CTNNA2: variants seen among roughly 807,000 people sequenced by gnomAD.
The protein encoded by CTNNA2 is catenin alpha 2.
CTNNA2 carries 42 observed loss-of-function variants against 101.0 expected under a neutral mutation model. The ratio of observed to expected loss-of-function variants is 0.42; its 90% CI spans 0.32 to 0.54. The LOEUF is 0.54. Among genes scored for constraint, CTNNA2 ranks in the 20% least tolerant of loss-of-function variants. The pLI is 0.14. For synonymous variants in CTNNA2, 450 were observed against 456.4 expected, an observed-to-expected ratio of 0.99 and a Z score of 0.18; for missense variants, 871 against 1,223.1, an observed-to-expected ratio of 0.71 and a Z score of 4.29.
At chr2:79,894,874 G>T (rs1684591042) in intron 6 of CTNNA2, among the ~76,000 whole-genome samples, 2 of 152,184 alleles carry the variant, frequency 1.3e-5, no homozygotes, top group African/African-American at 4.8e-5. Flanking sequence ...AGACATTAAA[G>T]AAATATTTGT....
intron 7 of CTNNA2, among the ~76,000 whole-genome samples, chr2:79,947,735 G>T (rs1013289143): frequency 6.6e-6 from 1 of 152,160 alleles, no homozygotes; most frequent in Non-Finnish European, 1.5e-5. Flanking sequence ...TACACCCTCT[G>T]TTCCCTGAGT....
chr2:79,265,224 A>G (rs1382171026), intron 2 of CTNNA2, among the ~76,000 whole-genome samples: 1 of 152,158 alleles, frequency 6.6e-6, no homozygotes, highest in Non-Finnish European at 1.5e-5. Context: ...ATAACACACA[A>G]CATATGGCAA....
At chr2:79,249,902 C>A (rs997286093) in intron 2 of CTNNA2, among the ~76,000 whole-genome samples, 5 of 152,106 alleles carry the variant, frequency 3.3e-5, no homozygotes, top group Non-Finnish European at 7.4e-5. Flanking sequence ...AAAATTGGTG[C>A]TTTTTCCCCA....
Position 80,577,296 on chromosome 2 carries a change from A to G in CTNNA2, c.1893+2982A>G, listed in dbSNP as rs80251174. Among the ~76,000 whole-genome samples, 786 of 152,186 alleles carry G rather than the reference A, an allele frequency of 5.2e-3. 10 individuals are homozygous for G. Among genetic ancestry groups the G allele is most frequent in the African/African-American group, 0.018 (728 of 41,524 alleles). On this transcript the variant is annotated intron_variant, in intron 13 of 18. Coordinates refer to ENST00000402739, the MANE Select transcript of CTNNA2 (RefSeq NM_001282597.3). ...AGAAAACCAAAGTATCCTAAAGGGGATAGAGCTTCTGGTGGGCATGGATCT... is the reference window on the plus strand; with the variant it reads ...AGAAAACCAAAGTATCCTAAAGGGGGTAGAGCTTCTGGTGGGCATGGATCT...
intron 3 of CTNNA2, 113 bp from the exon 4 acceptor site, chr2:79,857,900 C>T: frequency 8.8e-7 from 1 of 1,138,680 alleles, no homozygotes; most frequent in Non-Finnish European, 1.3e-6. Context: ...GAAATACCAC[C>T]TGGTCATCAG....
intron 12 of CTNNA2, among the ~76,000 whole-genome samples, chr2:80,571,466 A>G (rs1006487912): frequency 6.6e-6 from 1 of 152,212 alleles, no homozygotes; most frequent in Non-Finnish European, 1.5e-5. Flanking sequence ...TACAAAAAGA[A>G]CAAAGACTAA....
At chr2:79,459,863 C>T (rs186038261) in intron 4 of CTNNA2, among the ~76,000 whole-genome samples, 216 of 152,248 alleles carry the variant, frequency 1.4e-3, no homozygotes, top group Non-Finnish European at 2.2e-3. Context: ...TCAACTCTTA[C>T]GTTGCAGCAT....
chr2:79,673,045 A>C (rs1433893011), intron 2 of CTNNA2, among the ~76,000 whole-genome samples: 1 of 152,204 alleles, frequency 6.6e-6, no homozygotes. Flanking sequence ...GGTTAAAAAA[A>C]ATAGTTTATA....
intron 3 of CTNNA2, among the ~76,000 whole-genome samples, chr2:79,371,742 A>C (rs1023742546): frequency 3.3e-5 from 5 of 152,122 alleles, no homozygotes; most frequent in African/African-American, 1.2e-4. Context: ...ATAATTTCCT[A>C]TCAGTCCTGG....
intron 1 of CTNNA2, among the ~76,000 whole-genome samples, chr2:79,625,813 T>TA (rs1197546103): frequency 1.3e-5 from 2 of 152,198 alleles, no homozygotes; most frequent in African/African-American, 4.8e-5. Flanking sequence ...ACCTGCCAGT[T>TA]ACCTCCTTGG....
At chr2:79,341,730 C>T (rs1272921963) in intron 3 of CTNNA2, among the ~76,000 whole-genome samples, 3 of 152,210 alleles carry the variant, frequency 2.0e-5, no homozygotes, top group African/African-American at 7.2e-5. Flanking sequence ...TATTTTTGTT[C>T]TCTGCACTCA....
At position 79,830,763 on chromosome 2, in the gene CTNNA2, G is replaced by A. The variant is rs571499204; in HGVS notation, c.299-27250G>A. 3.7e-4 allele frequency among the ~76,000 whole-genome samples: 56 copies of A among 152,246 alleles called. No homozygotes were observed. The South Asian group carries it at 0.01, about 28-fold the overall frequency. ...AAAGAATGGGCCTGGTGTTTATGGA[G>A]GCTACAAATTAAATGCAACCTGCCC... On this transcript the variant is annotated intron_variant, in intron 3 of 18. Transcript: ENST00000402739.
intron 15 of CTNNA2, among the ~76,000 whole-genome samples, chr2:80,598,099 A>G (rs932262533): frequency 2.0e-5 from 3 of 152,220 alleles, no homozygotes; most frequent in African/African-American, 7.2e-5. Context: ...AATCTAGCAC[A>G]TATACACCAT....
Position 79,693,614 on chromosome 2 carries a change from T to C in CTNNA2, c.102+41956T>C, listed in dbSNP as rs1684465617. 2.0e-5 allele frequency among the ~76,000 whole-genome samples: 3 copies of C among 151,756 alleles called. No homozygotes were observed. The South Asian group carries it at 6.2e-4, about 32-fold the overall frequency. On this transcript the variant is annotated intron_variant, in intron 2 of 18. Transcript: ENST00000402739. ...AATGTCCTTGAAAACTTAGGGTGGGTAGGAATCGTGTGAGAAGGTAAAAGC... is the reference window on the plus strand; with the variant it reads ...AATGTCCTTGAAAACTTAGGGTGGGCAGGAATCGTGTGAGAAGGTAAAAGC...
chr2:80,125,991 T>C (rs984365155), intron 7 of CTNNA2, among the ~76,000 whole-genome samples: 2 of 152,162 alleles, frequency 1.3e-5, no homozygotes, highest in African/African-American at 2.4e-5. Flanking sequence ...TGCTTAGTAC[T>C]ATAACTCGCA....
At chr2:79,611,439 C>T (rs1030222494) in intron 1 of CTNNA2, among the ~76,000 whole-genome samples, 6 of 152,176 alleles carry the variant, frequency 3.9e-5, no homozygotes, top group African/African-American at 7.2e-5. Context: ...AAGAGAGACA[C>T]AGTTCCCGCC....
In CTNNA2 at chr2:79,608,383, T is replaced by C. The variant is rs186696929; in HGVS notation, c.-5-43169T>C. Among the ~76,000 whole-genome samples, 4 of 152,168 alleles carry C rather than the reference T, an allele frequency of 2.6e-5. No individual in the cohort carries two copies. In the East Asian group the frequency reaches 7.7e-4, roughly 29 times the overall value. Reference sequence around the variant, plus strand: ...TACAATTATCTTACAGAATTGAAGATAAGGTAGTCATTTTTATCTCATTCT... The same window carrying C: ...TACAATTATCTTACAGAATTGAAGACAAGGTAGTCATTTTTATCTCATTCT... On this transcript the variant is annotated intron_variant, in intron 1 of 18. Transcript: ENST00000402739.
At chr2:79,626,643 G>A (rs1325389580) in intron 1 of CTNNA2, among the ~76,000 whole-genome samples, 1 of 146,454 alleles carries the variant, frequency 6.8e-6, no homozygotes, top group Non-Finnish European at 1.5e-5. Context: ...GTGTGTGTGT[G>A]TGTGTGTGTG....
intron 7 of CTNNA2, among the ~76,000 whole-genome samples, chr2:80,251,393 C>T (rs1671753013): frequency 6.6e-6 from 1 of 152,130 alleles, no homozygotes; most frequent in Admixed American, 6.5e-5. Flanking sequence ...TCTACCACTG[C>T]AATCACTGGC....
Sources: allele counts gnomAD v4.1 joint callset (sites outside exome capture counted in the v4.1 genomes callset), GRCh38; gene constraint gnomAD v4.1.1; transcripts MANE v1.5; gene names NCBI Gene and HGNC (gene_info 2026-07-23, HGNC 2026-07-21).